AOAH: variants seen among roughly 807,000 people sequenced by gnomAD.
AOAH encodes the protein acyloxyacyl hydrolase (neutrophil).
AOAH carries 64 observed loss-of-function variants against 92.2 expected under a neutral mutation model. The observed-to-expected ratio is 0.69, with a 90% CI of 0.57 to 0.86. The LOEUF (loss-of-function observed/expected upper bound fraction) is 0.86. Among genes scored for constraint, AOAH ranks in the 40% least tolerant of loss-of-function variants. The pLI is 0.00. For synonymous variants in AOAH, 263 were observed against 254.5 expected, an observed-to-expected ratio of 1.03 and a Z score of -0.32; for missense variants, 656 against 694.6, an observed-to-expected ratio of 0.94 and a Z score of 0.62.
At chr7:36,645,785 G>GA (rs35848406) in intron 4 of AOAH, among the ~76,000 whole-genome samples, 85 of 144,198 alleles carry the variant, frequency 5.9e-4, no homozygotes, top group East Asian at 2.8e-3. Flanking sequence ...TTCCAGGGAT[G>GA]AAAAAAAAAA....
rs758876663 is a variant in AOAH, at chr7:36,532,275, T to G, written c.1365+11A>C. 27 of 1,613,956 alleles carry G rather than the reference T, an allele frequency of 1.7e-5. No homozygotes were observed. Among genetic ancestry groups the G allele is most frequent in the Non-Finnish European group, 2.3e-5 (27 of 1,179,950 alleles). Reference sequence around the variant, plus strand: ...GTAAGCGGGCCTTGAAGCAAGCCAGTGAGTGCTCACCTGGAGGCAGTTCAG... The same window carrying G: ...GTAAGCGGGCCTTGAAGCAAGCCAGGGAGTGCTCACCTGGAGGCAGTTCAG... On this transcript the variant is annotated intron_variant, in intron 17 of 20. Transcript: ENST00000617537.
chr7:36,724,415 G>A lies in AOAH; in HGVS notation c.-267C>T, dbSNP rs375825133. ...GAGCTGGAGGGAGTCTGTGGTGTGCGGTTCTGCTGAGGTAAAGACTGCAGG... is the reference window on the plus strand; with the variant it reads ...GAGCTGGAGGGAGTCTGTGGTGTGCAGTTCTGCTGAGGTAAAGACTGCAGG... On this transcript the variant is annotated 5_prime_UTR_variant, in exon 1 of 21. Coordinates refer to ENST00000617537, the MANE Select transcript of AOAH (RefSeq NM_001637.4). 23 of 332,194 alleles carry A rather than the reference G, an allele frequency of 6.9e-5. No homozygotes were observed. Among genetic ancestry groups the A allele is most frequent in the South Asian group, 3.9e-4 (13 of 33,544 alleles). The allele number at this position is 332,194 out of a possible 1,614,324, so 20.6% of individuals were successfully genotyped here. A position where few individuals can be genotyped will look rare whatever the true frequency, so the allele number is the denominator to read the frequency against.
chr7:36,637,959 T>C, intron 4 of AOAH, 49 bp from the exon 5 acceptor site: 1 of 1,435,172 alleles, frequency 7.0e-7, no homozygotes, highest in Non-Finnish European at 9.8e-7. Flanking sequence ...TTATCTTTTC[T>C]TCCTACATCT....
chr7:36,557,152 T>C (rs1226735623), intron 13 of AOAH, among the ~76,000 whole-genome samples: 3 of 152,204 alleles, frequency 2.0e-5, no homozygotes, highest in African/African-American at 7.2e-5. Flanking sequence ...TTAGTGCTTC[T>C]TTCAGGAGCT....
intron 6 of AOAH, among the ~76,000 whole-genome samples, chr7:36,630,036 A>AT (rs1353546450): frequency 6.6e-6 from 1 of 152,162 alleles, no homozygotes. Context: ...AGATGGCCAA[A>AT]TATGAAGATG....
chr7:36,516,756 C>A lies in AOAH; in HGVS notation c.1600-3376G>T, dbSNP rs1454419801. On this transcript the variant is annotated intron_variant, in intron 20 of 20. Coordinates refer to ENST00000617537, the MANE Select transcript of AOAH (RefSeq NM_001637.4). This position sits in a 1 kb window ranked among gnomAD's most constrained non-coding sequence, Gnocchi z 5.0. Reference sequence around the variant, plus strand: ...GCTTTCAACTTGATACACCTAAGCTCTTTCTAACAATTATGTGGTACCAAG... The same window carrying A: ...GCTTTCAACTTGATACACCTAAGCTATTTCTAACAATTATGTGGTACCAAG... 3.3e-5 allele frequency among the ~76,000 whole-genome samples: 5 copies of A among 152,136 alleles called. No individual in the cohort carries two copies. The highest frequency in any genetic ancestry group is 2.6e-4 in the Admixed American group (4 of 15,278).
At chr7:36,553,200 A>G (rs531594996) in intron 13 of AOAH, among the ~76,000 whole-genome samples, 2 of 139,412 alleles carry the variant, frequency 1.4e-5, no homozygotes, top group African/African-American at 2.7e-5. Context: ...ATTTCCATCT[A>G]TGAGTGAGAA....
At chr7:36,716,536 C>A (rs942084177) in intron 1 of AOAH, among the ~76,000 whole-genome samples, 1 of 148,918 alleles carries the variant, frequency 6.7e-6, no homozygotes, top group Non-Finnish European at 1.5e-5. Flanking sequence ...ATGTTTATTG[C>A]GGCACTATTC....
chr7:36,543,092 G>A (rs1785529025), intron 15 of AOAH, among the ~76,000 whole-genome samples: 1 of 152,070 alleles, frequency 6.6e-6, no homozygotes, highest in Admixed American at 6.5e-5. Context: ...AGAAAAAGAT[G>A]TCTAATTTTA....
intron 13 of AOAH, among the ~76,000 whole-genome samples, chr7:36,569,609 A>G (rs1340925899): frequency 1.3e-5 from 2 of 150,524 alleles, no homozygotes; most frequent in Non-Finnish European, 3.0e-5. Context: ...CTATCTATCT[A>G]TCTATCTATC....
At chr7:36,558,137 T>C (rs542831230) in intron 13 of AOAH, among the ~76,000 whole-genome samples, 3 of 152,300 alleles carry the variant, frequency 2.0e-5, no homozygotes, top group Non-Finnish European at 2.9e-5. Flanking sequence ...TGGTCTTTGA[T>C]GATGGTGATG....
intron 13 of AOAH, among the ~76,000 whole-genome samples, chr7:36,567,856 A>G (rs531383917): frequency 2.0e-5 from 3 of 152,286 alleles, no homozygotes; most frequent in African/African-American, 4.8e-5. Context: ...TCTTGTTAGG[A>G]TATCTCCCAG....
chr7:36,548,946 A>G (rs985887273), intron 14 of AOAH, among the ~76,000 whole-genome samples: 29 of 152,218 alleles, frequency 1.9e-4, no homozygotes, highest in African/African-American at 6.5e-4. Context: ...GTCCTGGGTA[A>G]ATAGACACAA....
intron 1 of AOAH, among the ~76,000 whole-genome samples, chr7:36,690,927 ACT>A (rs992102146): frequency 6.6e-6 from 1 of 151,958 alleles, no homozygotes; most frequent in African/African-American, 2.4e-5. Context: ...GGCTCTTGAA[ACT>A]CTAATTATAA....
intron 1 of AOAH, among the ~76,000 whole-genome samples, chr7:36,687,858 C>T (rs1372432954): frequency 6.6e-6 from 1 of 152,138 alleles, no homozygotes; most frequent in Non-Finnish European, 1.5e-5. Flanking sequence ...CGGATATGAA[C>T]AATAAAATTG....
At chr7:36,517,214 C>CTTTTCTTTTTCTCTT (rs59205788) in intron 20 of AOAH, among the ~76,000 whole-genome samples, 1 of 104,830 alleles carries the variant, frequency 9.5e-6, no homozygotes, top group South Asian at 3.4e-4. Flanking sequence ...TTCTTTCTTT[C>CTTTTCTTTTTCTCTT]TCTTTCTTTC....
chr7:36,541,065 A>C (rs1054942963), intron 15 of AOAH, among the ~76,000 whole-genome samples: 14 of 152,214 alleles, frequency 9.2e-5, no homozygotes, highest in Non-Finnish European at 1.6e-4. Flanking sequence ...AAAACTTTTC[A>C]CATGTATAAC....
intron 4 of AOAH, among the ~76,000 whole-genome samples, chr7:36,648,770 C>T (rs1794398428): frequency 6.6e-6 from 1 of 151,958 alleles, no homozygotes; most frequent in Non-Finnish European, 1.5e-5. Context: ...CAGTGTTTTA[C>T]CACTGATTTG....
Position 36,696,872 on chromosome 7 carries a change from A to AAAG in AOAH, c.128-10079_128-10078insCTT, listed in dbSNP as rs1221855494. ...AGAGCGAGGCTACGTCTCCAGAAAC[A>AAAG]AAAAAATCAATTTTTGTATATCAAT... On this transcript the variant is annotated intron_variant, in intron 1 of 20. Coordinates refer to ENST00000617537, the MANE Select transcript of AOAH (RefSeq NM_001637.4). Among the ~76,000 whole-genome samples, 6 of 146,908 alleles carry AAAG rather than the reference A, an allele frequency of 4.1e-5. No individual in the cohort carries two copies. In the East Asian group the frequency reaches 7.7e-4, roughly 19 times the overall value.
Sources: allele counts gnomAD v4.1 joint callset (sites outside exome capture counted in the v4.1 genomes callset), GRCh38; gene constraint gnomAD v4.1.1; non-coding constraint Gnocchi (gnomAD v3.1); transcripts MANE v1.5; gene names NCBI Gene and HGNC (gene_info 2026-07-23, HGNC 2026-07-21).